The following BRINP3 variants were observed in gnomAD, a reference collection of about 807,000 sequenced individuals.
BRINP3 encodes BMP/retinoic acid-inducible neural-specific protein 3.
A neutral mutation model predicts 71.0 loss-of-function variants in BRINP3; 19 were observed. The ratio of observed to expected loss-of-function variants is 0.27; its 90% CI spans 0.19 to 0.39. The LOEUF is 0.39. Ranked by LOEUF, BRINP3 falls within the 10% of genes least tolerant of loss-of-function variation. The probability of loss-of-function intolerance (pLI) is 1.00; values close to 1 mark genes in which losing one functional copy is unlikely to be tolerated. For synonymous variants in BRINP3, 380 were observed against 337.7 expected (o/e 1.13, Z -1.37); for missense variants, 959 against 940.8 (o/e 1.02, Z -0.25).
chr1:190,305,849 C>G (rs577548691), intron 2 of BRINP3, among the ~76,000 whole-genome samples: 28 of 151,798 alleles, frequency 1.8e-4, no homozygotes, highest in African/African-American at 6.5e-4. Context: ...TGCTAATTAT[C>G]CTGATTTGAT....
chr1:190,312,781 T>C (rs1189255621), intron 2 of BRINP3, among the ~76,000 whole-genome samples: 3 of 151,836 alleles, frequency 2.0e-5, no homozygotes, highest in Admixed American at 2.0e-4. Context: ...AGGATATGGG[T>C]GATATTTTTC....
At chr1:190,138,812 T>C (rs1655186251) in intron 7 of BRINP3, among the ~76,000 whole-genome samples, 1 of 152,126 alleles carries the variant, frequency 6.6e-6, no homozygotes, top group Non-Finnish European at 1.5e-5. Context: ...AGGACCTCAA[T>C]GACTTAGTAC....
chr1:190,188,381 G>C (rs1653728680), intron 6 of BRINP3, among the ~76,000 whole-genome samples: 1 of 152,090 alleles, frequency 6.6e-6, no homozygotes, highest in Non-Finnish European at 1.5e-5. Context: ...AATTGCTCTT[G>C]CTAAGATCTC....
intron 2 of BRINP3, among the ~76,000 whole-genome samples, chr1:190,351,301 A>C (rs1031694084): frequency 2.0e-5 from 3 of 152,126 alleles, no homozygotes; most frequent in African/African-American, 7.2e-5. Flanking sequence ...CAGGAAGAGT[A>C]ATTTATACTA....
rs769342168 is a variant in BRINP3, at chr1:190,099,071, T to A, written c.1248A>T (p.Leu416=). The change falls in exon 8 of 8, where the codon CTA becomes CTT. Residue 416 remains leucine, a synonymous_variant. Coordinates refer to ENST00000367462, the MANE Select transcript of BRINP3 (RefSeq NM_199051.3). ...AGTGCGTCTCTTCTGAAAAGCTGCC[T>A]AGGAGGCCGTTCTCATTGCAGTAGA... ...SFLYCNENGL[L]GSFSEETHSC... 1.9e-6 allele frequency: 3 copies of A among 1,614,026 alleles called. No individual in the cohort carries two copies. In the South Asian group the frequency reaches 3.3e-5, roughly 18 times the overall value.
At chr1:190,465,481 C>T (rs1344092742) in intron 1 of BRINP3, among the ~76,000 whole-genome samples, 2 of 151,714 alleles carry the variant, frequency 1.3e-5, no homozygotes, top group Non-Finnish European at 2.9e-5. Context: ...GAATCTTCAC[C>T]CTTAATATAT....
At chr1:190,432,609 TC>T (rs1339090188) in intron 2 of BRINP3, among the ~76,000 whole-genome samples, 2 of 152,186 alleles carry the variant, frequency 1.3e-5, no homozygotes, top group African/African-American at 4.8e-5. Context: ...ATAAGAACTC[TC>T]TGCTTTTGCC....
At chr1:190,401,747 T>C (rs1415647492) in intron 2 of BRINP3, among the ~76,000 whole-genome samples, 1 of 151,834 alleles carries the variant, frequency 6.6e-6, no homozygotes, top group Admixed American at 6.6e-5. Context: ...AAGAAAACAA[T>C]TATTTTTATC....
chr1:190,317,635 C>T (rs1175551551), intron 2 of BRINP3, among the ~76,000 whole-genome samples: 1 of 147,588 alleles, frequency 6.8e-6, no homozygotes, highest in African/African-American at 2.5e-5. Flanking sequence ...AAGAAAGTCA[C>T]ATTGAAAAAA....
intron 7 of BRINP3, among the ~76,000 whole-genome samples, chr1:190,158,628 A>T (rs952314855): frequency 6.6e-6 from 1 of 152,100 alleles, no homozygotes; most frequent in East Asian, 1.9e-4. Flanking sequence ...TGAAAAATTA[A>T]AAAGAATGTT....
chr1:190,335,075 T>C (rs890647093), intron 2 of BRINP3, among the ~76,000 whole-genome samples: 4 of 151,840 alleles, frequency 2.6e-5, no homozygotes, highest in Non-Finnish European at 5.9e-5. Context: ...TCTACAAATC[T>C]CCAGGAAAAT....
intron 2 of BRINP3, among the ~76,000 whole-genome samples, chr1:190,408,777 A>C (rs1226130454): frequency 6.6e-6 from 1 of 152,206 alleles, no homozygotes; most frequent in Non-Finnish European, 1.5e-5. Flanking sequence ...ATGGGCATTG[A>C]ATAGGCTATC....
At chr1:190,444,742 G>T (rs1675094065) in intron 2 of BRINP3, among the ~76,000 whole-genome samples, 3 of 151,964 alleles carry the variant, frequency 2.0e-5, no homozygotes, top group Non-Finnish European at 4.4e-5. Context: ...CACCATATTT[G>T]CCAGACTGGT....
At chr1:190,259,349 C>G (rs560415893) in intron 4 of BRINP3, among the ~76,000 whole-genome samples, 54 of 151,016 alleles carry the variant, frequency 3.6e-4, no homozygotes, top group African/African-American at 1.3e-3. Flanking sequence ...CTAAAATCAA[C>G]TAATGTAATA....
intron 2 of BRINP3, among the ~76,000 whole-genome samples, chr1:190,447,576 G>T (rs1220616790): frequency 6.8e-6 from 1 of 146,612 alleles, no homozygotes; most frequent in Non-Finnish European, 1.5e-5. Context: ...ACACACACAC[G>T]TTTTGCAGTC....
At chr1:190,446,273 T>G (rs1221808096) in intron 2 of BRINP3, among the ~76,000 whole-genome samples, 2 of 152,030 alleles carry the variant, frequency 1.3e-5, no homozygotes, top group Non-Finnish European at 2.9e-5. Flanking sequence ...ATTATTTTGG[T>G]TATTAATGTG....
chr1:190,180,211 G>C (rs1298112277), intron 6 of BRINP3, among the ~76,000 whole-genome samples: 1 of 152,120 alleles, frequency 6.6e-6, no homozygotes, highest in Non-Finnish European at 1.5e-5. Flanking sequence ...AATTTCACCT[G>C]TTTGGTATAT....
chr1:190,174,460 G>T (rs1290941172), intron 6 of BRINP3, among the ~76,000 whole-genome samples: 2 of 151,794 alleles, frequency 1.3e-5, no homozygotes, highest in Non-Finnish European at 2.9e-5. Flanking sequence ...ATGTACATTG[G>T]ATTATAAACA....
intron 7 of BRINP3, among the ~76,000 whole-genome samples, chr1:190,145,882 A>G (rs1655844240): frequency 6.6e-6 from 1 of 152,234 alleles, no homozygotes; most frequent in Admixed American, 6.5e-5. Flanking sequence ...ATAAAAAGGA[A>G]TAGAATAATG....
Sources: gnomAD v4.1 joint callset for allele counts (sites outside exome capture counted in the v4.1 genomes callset) on GRCh38, gnomAD v4.1.1 for gene constraint, MANE v1.5 for transcripts, NCBI Gene and HGNC (gene_info 2026-07-23, HGNC 2026-07-21) for gene names.